Variants in GLB1 observed in about 807,000 individuals in gnomAD.
The protein encoded by GLB1 is beta-galactosidase.
A neutral mutation model predicts 74.0 loss-of-function variants in GLB1; 56 were observed. That is an observed-to-expected ratio of 0.76 (90% CI 0.61 to 0.94). The LOEUF (loss-of-function observed/expected upper bound fraction) is 0.94, where lower values mean the gene tolerates loss of function less well. Ranked by LOEUF, GLB1 falls within the 40% of genes least tolerant of loss-of-function variation. The pLI, the probability that GLB1 is intolerant of heterozygous loss-of-function variation, is 0.00. For synonymous variants in GLB1, 323 were observed against 323.6 expected (o/e 1.00, Z 0.02); for missense variants, 787 against 845.5 (o/e 0.93, Z 0.86).
At chr3:33,021,520 C>A (rs146861526) in intron 12 of GLB1, 46 bp downstream of exon 12, 9 of 1,595,916 alleles carry the variant, frequency 5.6e-6, no homozygotes, top group Non-Finnish European at 7.7e-6. Context: ...AGAAAGCACA[C>A]TTTTGCAAGT....
intron 1 of GLB1, among the ~76,000 whole-genome samples, chr3:33,077,860 C>A (rs962880305): frequency 8.7e-5 from 13 of 150,274 alleles, no homozygotes; most frequent in East Asian, 6.0e-4. Flanking sequence ...AAAAAAAAAA[C>A]ATAAAAATCC....
Position 33,074,408 on chromosome 3 carries a change from G to GAAAGAAAGAAAGAAAGAAAGA in GLB1, c.76-1696_76-1695insTCTTTCTTTCTTTCTTTCTTT, listed in dbSNP as rs143322194. On this transcript the variant is annotated intron_variant, in intron 1 of 15. Transcript: ENST00000307363. ...AGGAAGGAAGAAAGAAAGAAAGAAA[G>GAAAGAAAGAAAGAAAGAAAGA]AATATTACACATAGTAAAGTATTAC... Among the ~76,000 whole-genome samples, 6 of 113,652 alleles carry GAAAGAAAGAAAGAAAGAAAGA rather than the reference G, an allele frequency of 5.3e-5. 1 individual carries two copies. The South Asian group carries it at 1.3e-3, about 25-fold the overall frequency. 74.6% of individuals were successfully genotyped at this position (113,652 alleles called of 152,430 possible).
chr3:33,030,490 G>C (rs1176691244), intron 10 of GLB1: 2 of 985,144 alleles, frequency 2.0e-6, no homozygotes, highest in East Asian at 1.1e-4. Flanking sequence ...TAAAACACTG[G>C]TTTTCACCAG....
At chr3:32,992,954 C>A (rs528378891), downstream of GLB1, among the ~76,000 whole-genome samples, 3 of 152,194 alleles carry the variant, frequency 2.0e-5, no homozygotes, top group Admixed American at 2.0e-4. Context: ...ACCCAGAAAC[C>A]ACCTGGCCCC....
intron 9 of GLB1, among the ~76,000 whole-genome samples, chr3:33,049,726 G>A (rs1217648945): frequency 6.6e-6 from 1 of 152,032 alleles, no homozygotes; most frequent in Non-Finnish European, 1.5e-5. Context: ...TGGTCACCTA[G>A]GTATTAAGCC....
intron 1 of GLB1, among the ~76,000 whole-genome samples, chr3:33,079,213 G>A (rs1700236949): frequency 6.6e-6 from 1 of 152,158 alleles, no homozygotes. Flanking sequence ...AGGGACGTGA[G>A]GGAACTTTCT....
intron 15 of GLB1, among the ~76,000 whole-genome samples, chr3:33,012,502 ACT>A (rs1697070332): frequency 6.6e-6 from 1 of 152,026 alleles, no homozygotes; most frequent in Non-Finnish European, 1.5e-5. Flanking sequence ...GATGAAGTAG[ACT>A]CTCACCAGAC....
chr3:33,045,363 C>T (rs544528185), intron 10 of GLB1: 61 of 984,378 alleles, frequency 6.2e-5, no homozygotes, highest in African/African-American at 2.1e-4. Context: ...GAGGTAAGTA[C>T]GGCTACCTCT....
At chr3:33,026,134 A>T (rs1033007329) in intron 10 of GLB1, among the ~76,000 whole-genome samples, 4 of 152,112 alleles carry the variant, frequency 2.6e-5, no homozygotes, top group African/African-American at 7.2e-5. Flanking sequence ...ACCAAGCTGC[A>T]GCTGCAGACG....
chr3:33,087,891 A>C (rs975916383), intron 1 of GLB1, among the ~76,000 whole-genome samples: 1 of 152,072 alleles, frequency 6.6e-6, no homozygotes, highest in African/African-American at 2.4e-5. Context: ...TCAACAGTAC[A>C]TTAAAAGGGT....
In GLB1 at chr3:33,097,081, G is replaced by A. The variant is rs779544911; in HGVS notation, c.5C>T (p.Pro2Leu). The change falls in exon 1 of 16, where the codon CCG (proline) becomes CTG (leucine). Residue 2 changes from proline to leucine, a missense_variant. Physicochemically the swap from Pro to Leu is moderately conservative, Grantham distance 98. Coordinates refer to ENST00000307363, the MANE Select transcript of GLB1 (RefSeq NM_000404.4). MPGFLVRILPLL... is the reference protein window; with the variant it reads MLGFLVRILPLL... ...AGGGAGGATGCGAACCAGGAACCCC[G>A]GCATGACCACCAGCCTCCCGGCTCT... 12 of 1,612,538 alleles carry A rather than the reference G, an allele frequency of 7.4e-6. No homozygotes were observed. Among genetic ancestry groups the A allele is most frequent in the Admixed American group, 3.3e-5 (2 of 59,898 alleles).
At chr3:33,065,367 C>G in intron 5 of GLB1, 96 bp downstream of exon 5, 1 of 1,463,898 alleles carries the variant, frequency 6.8e-7, no homozygotes, top group Non-Finnish European at 9.3e-7. Context: ...AGAAACAGAC[C>G]TATGAGGCTC....
chr3:33,014,121 A>C lies in GLB1; in HGVS notation c.1669T>G (p.Ser557Ala). The C allele has an allele frequency of 6.2e-7, 1 of 1,614,168 alleles. No homozygotes were observed. Among genetic ancestry groups the C allele is most frequent in the East Asian group, 2.2e-5 (1 of 44,876 alleles). Residue 557 changes from serine to alanine, a missense_variant, in exon 15 of 16, where the codon TCC (serine) becomes GCC (alanine). Physicochemically the swap from Ser to Ala is moderately conservative, Grantham distance 99. Transcript: ENST00000307363. ...AAGTCTGGGATCCCACTGGGAATGG[A>C]GAAGTTCCCCATATAAAAGGCCGGG... ...TLPAFYMGNF[S>A]IPSGIPDLPQ...
the GLB1 span, among the ~76,000 whole-genome samples, chr3:32,971,773 C>G: frequency 1.3e-5 from 2 of 152,278 alleles, no homozygotes; most frequent in African/African-American, 2.4e-5. Context: ...AGATCCAAAC[C>G]CTTTCTCTTG....
At chr3:33,054,976 T>C (rs1163975768) in intron 6 of GLB1, among the ~76,000 whole-genome samples, 1 of 152,248 alleles carries the variant, frequency 6.6e-6, no homozygotes, top group African/African-American at 2.4e-5. Context: ...GATAACCACT[T>C]GCTCTGAGAT....
chr3:33,014,215 C>T lies in GLB1; in HGVS notation c.1575G>A (p.Gly525=). The T allele has an allele frequency of 6.2e-6, 10 of 1,614,150 alleles. No homozygotes were observed. Among genetic ancestry groups the T allele is most frequent in the Non-Finnish European group, 8.5e-6 (10 of 1,180,028 alleles). ...DTEDAVCSHL[G]GWGHRDSGHH... ...GGCCACTGTCACGGTGTCCCCAGCC[C>T]CCCAGGTGGCTGCACACTGCATCCT... is the stretch of plus-strand genomic sequence containing the variant. Residue 525 remains glycine (G), a synonymous_variant, in exon 15 of 16, where the codon GGG becomes GGA. Coordinates refer to ENST00000307363, the MANE Select transcript of GLB1 (RefSeq NM_000404.4).
chr3:33,014,420 C>G, intron 14 of GLB1, 110 bp from the exon 15 acceptor site: 1 of 1,513,362 alleles, frequency 6.6e-7, no homozygotes, highest in Non-Finnish European at 8.9e-7. Context: ...AAAACACCAA[C>G]AGGAAATGAA....
chr3:33,046,919 C>G (rs1375665020), intron 9 of GLB1, among the ~76,000 whole-genome samples: 1 of 152,190 alleles, frequency 6.6e-6, no homozygotes, highest in Non-Finnish European at 1.5e-5. Flanking sequence ...TCAGATGTGT[C>G]CGTCTCTGGG....
At chr3:33,033,163 C>G (rs1698124857) in intron 10 of GLB1, among the ~76,000 whole-genome samples, 1 of 152,102 alleles carries the variant, frequency 6.6e-6, no homozygotes, top group South Asian at 2.1e-4. Context: ...TACAATTATG[C>G]CTAAAGGCAC....
Sources: allele counts gnomAD v4.1 joint callset (sites outside exome capture counted in the v4.1 genomes callset), GRCh38; gene constraint gnomAD v4.1.1; transcripts MANE v1.5; gene names NCBI Gene and HGNC (gene_info 2026-07-23, HGNC 2026-07-21).